BMPR1B: variants seen among roughly 807,000 people sequenced by gnomAD.
BMPR1B encodes bone morphogenetic protein receptor type-1B.
In BMPR1B, 12 loss-of-function variants were observed where a neutral mutation model predicts 59.1. The ratio of observed to expected loss-of-function variants is 0.20; its 90% CI spans 0.13 to 0.33. The LOEUF is 0.33. Ranked by LOEUF, BMPR1B falls within the 10% of genes least tolerant of loss-of-function variation. BMPR1B has a pLI of 1.00. For missense variants in BMPR1B, 550 were observed against 610.9 expected, an observed-to-expected ratio of 0.90 and a Z score of 1.05; for synonymous variants, 237 against 207.3, an observed-to-expected ratio of 1.14 and a Z score of -1.23.
At chr4:94,921,069 C>G (rs553064941) in intron 2 of BMPR1B, among the ~76,000 whole-genome samples, 1 of 152,222 alleles carries the variant, frequency 6.6e-6, no homozygotes, top group South Asian at 2.1e-4. Context: ...TGAACTTTAA[C>G]AAAGAGCTGT....
At chr4:94,873,872 A>G (rs923676556) in intron 1 of BMPR1B, among the ~76,000 whole-genome samples, 11 of 152,178 alleles carry the variant, frequency 7.2e-5, no homozygotes, top group African/African-American at 1.9e-4. Flanking sequence ...AGATTTCCAG[A>G]ACTTTTTCAT....
chr4:95,030,591 C>T (rs1489979588), intron 3 of BMPR1B, among the ~76,000 whole-genome samples: 2 of 151,972 alleles, frequency 1.3e-5, no homozygotes, highest in African/African-American at 4.8e-5. Flanking sequence ...TTCCTGTTTG[C>T]AGATGACATG....
chr4:94,905,914 CTTT>C (rs34853734), intron 2 of BMPR1B, among the ~76,000 whole-genome samples: 30 of 137,824 alleles, frequency 2.2e-4, no homozygotes, highest in African/African-American at 2.9e-4. Flanking sequence ...TTTGTTTATT[CTTT>C]TTTTTTTTTT....
intron 1 of BMPR1B, among the ~76,000 whole-genome samples, chr4:94,831,533 G>T (rs776768723): frequency 5.9e-5 from 9 of 152,148 alleles, no homozygotes; most frequent in Non-Finnish European, 1.0e-4. Flanking sequence ...GAAACTTTCA[G>T]TCCTGTAAGC....
At chr4:94,772,910 T>A (rs1276121612) in intron 1 of BMPR1B, among the ~76,000 whole-genome samples, 2 of 152,154 alleles carry the variant, frequency 1.3e-5, no homozygotes, top group Non-Finnish European at 1.5e-5. Flanking sequence ...CCCTTCATAA[T>A]TGTATTATGA....
At chr4:94,851,230 A>G (rs1725556652) in intron 1 of BMPR1B, among the ~76,000 whole-genome samples, 1 of 151,800 alleles carries the variant, frequency 6.6e-6, no homozygotes, top group African/African-American at 2.4e-5. Context: ...CTGGATTTCC[A>G]AATGTAAGTA....
chr4:94,853,220 C>T (rs1465318617), intron 1 of BMPR1B, among the ~76,000 whole-genome samples: 1 of 152,114 alleles, frequency 6.6e-6, no homozygotes, highest in Non-Finnish European at 1.5e-5. Context: ...ACGTGGAGTT[C>T]ATGAAGTAAA....
chr4:95,136,412 A>T (rs1391005375), intron 10 of BMPR1B, among the ~76,000 whole-genome samples: 1 of 152,166 alleles, frequency 6.6e-6, no homozygotes, highest in Non-Finnish European at 1.5e-5. Flanking sequence ...TATCAGGATG[A>T]TGCTGGCCTC....
At chr4:94,937,820 G>T (rs1291376788) in intron 2 of BMPR1B, among the ~76,000 whole-genome samples, 1 of 152,074 alleles carries the variant, frequency 6.6e-6, no homozygotes, top group Non-Finnish European at 1.5e-5. Context: ...CATAAACTAG[G>T]TAAGAGCTTA....
intron 10 of BMPR1B, among the ~76,000 whole-genome samples, chr4:95,146,239 C>T (rs1431031740): frequency 6.6e-6 from 1 of 152,104 alleles, no homozygotes; most frequent in Non-Finnish European, 1.5e-5. Context: ...TATTGCTGAA[C>T]ATGCATATGT....
At chr4:95,100,364 A>G (rs1730731408) in intron 3 of BMPR1B, among the ~76,000 whole-genome samples, 1 of 152,012 alleles carries the variant, frequency 6.6e-6, no homozygotes, top group Non-Finnish European at 1.5e-5. Flanking sequence ...TTTCCCTCAG[A>G]CTTTTGAAGG....
At chr4:94,875,606 C>T (rs1351437631) in intron 1 of BMPR1B, among the ~76,000 whole-genome samples, 2 of 152,106 alleles carry the variant, frequency 1.3e-5, no homozygotes, top group Non-Finnish European at 1.5e-5. Context: ...ATGGTGTGAA[C>T]CCGGGAGGCG....
chr4:95,065,441 T>G (rs1301185539), intron 3 of BMPR1B, among the ~76,000 whole-genome samples: 59 of 152,188 alleles, frequency 3.9e-4, no homozygotes, highest in Admixed American at 3.7e-3. Context: ...AATTTTATAG[T>G]ATGTTAATTA....
At position 94,953,087 on chromosome 4, in the gene BMPR1B, C is replaced by CT. The variant is rs930736229; in HGVS notation, c.-112-42944dup. 6.0e-5 allele frequency among the ~76,000 whole-genome samples: 9 copies of CT among 151,126 alleles called. No homozygotes were observed. The South Asian group carries it at 1.1e-3, about 18-fold the overall frequency. ...TCAGAGACTAGGATTGCAACCCCTG[C>CT]TTTTTTTTTGTTTTCCATTTGCTTG... On this transcript the variant is annotated intron_variant, in intron 2 of 12. Transcript: ENST00000515059.
chr4:94,951,324 T>G (rs138728407), intron 2 of BMPR1B, among the ~76,000 whole-genome samples: 4,402 of 152,250 alleles, frequency 0.029, 205 homozygotes, highest in African/African-American at 0.1. Context: ...ATAGGAATGG[T>G]GAGAGAGGGC....
At chr4:95,047,628 AAGT>A (rs1726146960) in intron 3 of BMPR1B, among the ~76,000 whole-genome samples, 1 of 152,168 alleles carries the variant, frequency 6.6e-6, no homozygotes, top group South Asian at 2.1e-4. Flanking sequence ...CCTTGGAAGC[AAGT>A]CACTAAGCAC....
chr4:95,057,153 T>A (rs1726991253), intron 3 of BMPR1B, among the ~76,000 whole-genome samples: 2 of 152,230 alleles, frequency 1.3e-5, no homozygotes, highest in African/African-American at 4.8e-5. Context: ...TCCCTGGACA[T>A]ACTTATAGTT....
chr4:94,846,666 G>A (rs1725344242), intron 1 of BMPR1B, among the ~76,000 whole-genome samples: 1 of 152,096 alleles, frequency 6.6e-6, no homozygotes, highest in Non-Finnish European at 1.5e-5. Flanking sequence ...TTGTGATCAT[G>A]TGAGTTAATA....
At chr4:95,148,030 G>GT (rs1734768793) in intron 10 of BMPR1B, among the ~76,000 whole-genome samples, 2 of 151,618 alleles carry the variant, frequency 1.3e-5, no homozygotes, top group South Asian at 4.2e-4. Flanking sequence ...TTCCATTATT[G>GT]TTTTCTTCCT....
Sources: gnomAD v4.1 joint callset for allele counts (sites outside exome capture counted in the v4.1 genomes callset) on GRCh38, gnomAD v4.1.1 for gene constraint, MANE v1.5 for transcripts, NCBI Gene and HGNC (gene_info 2026-07-23, HGNC 2026-07-21) for gene names.